WNT6: variants seen among roughly 807,000 people sequenced by gnomAD.
WNT6 encodes the protein protein Wnt-6.
WNT6 carries 27 observed loss-of-function variants against 33.1 expected under a neutral mutation model. The ratio of observed to expected loss-of-function variants is 0.82; its 90% CI spans 0.60 to 1.12. The LOEUF (loss-of-function observed/expected upper bound fraction) is 1.12. Among genes scored for constraint, WNT6 ranks in the 50% most tolerant of loss-of-function variants. The probability of loss-of-function intolerance (pLI) is 0.00; values close to 1 mark genes in which losing one functional copy is unlikely to be tolerated. For synonymous variants in WNT6, 249 were observed against 242.8 expected (o/e 1.03, Z -0.24); for missense variants, 494 against 535.3 (o/e 0.92, Z 0.76).
chr2:218,867,842 C>G lies in WNT6; in HGVS notation c.81-3185C>G, dbSNP rs1205864792. On this transcript the variant is annotated intron_variant, in intron 1 of 3. Transcript: ENST00000233948. The surrounding 1 kb of genome is among the most constrained non-coding windows in gnomAD (Gnocchi z 4.9). ...GGGGAGTTATTACTTGATGTGTTGT[C>G]AAAAGCCAAAGTTATAGGGGGTACG... Among the ~76,000 whole-genome samples the G allele has an allele frequency of 1.3e-5, 2 of 152,142 alleles. No homozygotes were observed. Among genetic ancestry groups the G allele is most frequent in the African/African-American group, 4.8e-5 (2 of 41,424 alleles).
At position 218,871,042 on chromosome 2, in the gene WNT6, C is replaced by A; in HGVS notation, c.96C>A (p.Pro32=). ...VGGLWWAVGS[P]LVMDPTSICR... is the part of the protein sequence containing the mutation. ...TGCTTTCCAGGGCTGTGGGCAGCCC[C>A]TTGGTTATGGACCCTACCAGCATCT... The change falls in exon 2 of 4, where the codon CCC becomes CCA. Residue 32 remains proline (P), a synonymous_variant. Transcript: ENST00000233948. The surrounding 1 kb of genome is among the most constrained non-coding windows in gnomAD (Gnocchi z 6.4). 1.2e-6 allele frequency: 2 copies of A among 1,609,876 alleles called. No individual in the cohort carries two copies. The highest frequency in any genetic ancestry group is 1.7e-6 in the Non-Finnish European group (2 of 1,177,056).
Position 218,859,973 on chromosome 2 carries a change from C to A in WNT6, c.-65C>A, listed in dbSNP as rs1006111204. ...GCGCTCGCACTGAAGCCCGGGCCCT[C>A]GCGCGCCGCGGTTCGCCCCGCAGCC... On this transcript the variant is annotated 5_prime_UTR_variant, in exon 1 of 4. Transcript: ENST00000233948. 4 of 1,252,892 alleles carry A rather than the reference C, an allele frequency of 3.2e-6. No homozygotes were observed. The highest frequency in any genetic ancestry group is 1.6e-5 in the African/African-American group (1 of 63,612). The allele number at this position is 1,252,892 out of a possible 1,614,324, so 77.6% of individuals were successfully genotyped here. A position where few individuals can be genotyped will look rare whatever the true frequency, so the allele number is the denominator to read the frequency against.
intron 1 of WNT6, among the ~76,000 whole-genome samples, chr2:218,861,693 G>A (rs752188267): frequency 6.6e-6 from 1 of 152,036 alleles, no homozygotes; most frequent in African/African-American, 2.4e-5. Context: ...TGGGGATGGG[G>A]TCCCTCCCTG....
At chr2:218,864,513 T>G (rs1250177667) in intron 1 of WNT6, among the ~76,000 whole-genome samples, 1 of 152,218 alleles carries the variant, frequency 6.6e-6, no homozygotes, top group Non-Finnish European at 1.5e-5. Context: ...GTCATCTGCG[T>G]GCCTCAGCTT....
chr2:218,871,300 C>A lies in WNT6; in HGVS notation c.301+53C>A. The stretch of plus-strand genomic sequence containing the variant: ...GGCTGCTTTCTCCCTGCTGTGGGAC[C>A]CGAGGAGAGGAGAACTGGTTCGCTG... On this transcript the variant is annotated intron_variant, in intron 2 of 3. Coordinates refer to ENST00000233948, the MANE Select transcript of WNT6 (RefSeq NM_006522.4). The surrounding 1 kb of genome is among the most constrained non-coding windows in gnomAD (Gnocchi z 6.4). 4 of 1,562,482 alleles carry A rather than the reference C, an allele frequency of 2.6e-6. No homozygotes were observed. The highest frequency in any genetic ancestry group is 1.3e-5 in the African/African-American group (1 of 74,152).
chr2:218,860,348 C>T (rs1944295414), intron 1 of WNT6, among the ~76,000 whole-genome samples: 1 of 152,190 alleles, frequency 6.6e-6, no homozygotes, highest in Non-Finnish European at 1.5e-5. Flanking sequence ...AAGTTATGCG[C>T]TCACCCAGCT....
intron 1 of WNT6, among the ~76,000 whole-genome samples, chr2:218,863,147 A>G (rs1391649745): frequency 6.6e-6 from 1 of 152,178 alleles, no homozygotes; most frequent in Non-Finnish European, 1.5e-5. Flanking sequence ...AGCTGGACCA[A>G]TAATTCCCAC....
At chr2:218,870,373 G>A (rs1305366958) in intron 1 of WNT6, among the ~76,000 whole-genome samples, 3 of 152,162 alleles carry the variant, frequency 2.0e-5, no homozygotes, top group Non-Finnish European at 4.4e-5. Flanking sequence ...ATCAGGGTAG[G>A]AGGGCCCACC....
chr2:218,860,118 G>A lies in WNT6; in HGVS notation c.80+1G>A, dbSNP rs1305310694. The A allele has an allele frequency of 1.1e-5, 16 of 1,521,932 alleles. No individual in the cohort carries two copies. The highest frequency in any genetic ancestry group is 4.2e-5 in the African/African-American group (3 of 71,456). The allele number at this position is 1,521,932 out of a possible 1,614,324, so 94.3% of individuals were successfully genotyped here. The stretch of plus-strand genomic sequence containing the variant: ...CGGCGCACGTCGGCGGACTGTGGTG[G>A]TGAGTCCGGCTGTCCTGGCGCGGCT... On this transcript the variant is annotated splice_donor_variant, in intron 1 of 3. Transcript: ENST00000233948. LOFTEE classifies it high-confidence loss of function.
Position 218,860,111 on chromosome 2 carries a change from T to G in WNT6, c.74T>G (p.Leu25Arg). The change falls in exon 1 of 4, where the codon CTG becomes CGG. Residue 25 changes from leucine to arginine, a missense_variant. By Grantham distance (102) the Leu-to-Arg change is moderately radical (BLOSUM62 -2). Transcript: ENST00000233948. ...CTGTGCCCGGCGCACGTCGGCGGAC[T>G]GTGGTGGTGAGTCCGGCTGTCCTGG... Reference protein sequence around the residue: ...LLLCPAHVGGLWWAVGSPLVM... With the variant: ...LLLCPAHVGGRWWAVGSPLVM... 1 of 1,523,098 alleles carries G rather than the reference T, an allele frequency of 6.6e-7. No homozygotes were observed. Among genetic ancestry groups the G allele is most frequent in the Non-Finnish European group, 8.8e-7 (1 of 1,139,600 alleles). The allele number at this position is 1,523,098 out of a possible 1,614,324, so 94.3% of individuals were successfully genotyped here. A position where few individuals can be genotyped will look rare whatever the true frequency, so the allele number is the denominator to read the frequency against.
In WNT6 at chr2:218,873,763, A is replaced by G; in HGVS notation, c.1016A>G (p.Asn339Ser). The change falls in exon 4 of 4, where the codon AAC becomes AGC. Residue 339 changes from asparagine (N) to serine (S), a missense_variant. Transcript: ENST00000233948. This position sits in a 1 kb window ranked among gnomAD's most constrained non-coding sequence, Gnocchi z 6.1. ...CAGGAGAGCGTGCAGCTCGAAGAGA[A>G]CTGCCTGTGCCGCTTCCACTGGTGC... is the stretch of plus-strand genomic sequence containing the variant. ...HRQESVQLEE[N>S]CLCRFHWCCV... The G allele has an allele frequency of 6.3e-7, 1 of 1,586,550 alleles. No homozygotes were observed. The highest frequency in any genetic ancestry group is 8.5e-7 in the Non-Finnish European group (1 of 1,172,558).
intron 1 of WNT6, among the ~76,000 whole-genome samples, chr2:218,863,082 C>T (rs113959643): frequency 0.02 from 3,106 of 152,310 alleles, 103 homozygotes; most frequent in African/African-American, 0.07. Flanking sequence ...TCTGCTTACA[C>T]TCCTGAGCTC....
At chr2:218,863,795 A>T (rs10211343) in intron 1 of WNT6, among the ~76,000 whole-genome samples, 1 of 151,994 alleles carries the variant, frequency 6.6e-6, no homozygotes, top group African/African-American at 2.4e-5. Context: ...GTTGCAGTGA[A>T]CCGAGATCCA....
Position 218,873,901 on chromosome 2 carries a change from CCTCAGGG to C in WNT6, c.*58_*64del, listed in dbSNP as rs1944430938. 2.9e-6 allele frequency: 4 copies of C among 1,385,716 alleles called. No homozygotes were observed. Among genetic ancestry groups the C allele is most frequent in the Non-Finnish European group, 3.7e-6 (4 of 1,073,406 alleles). 85.8% of individuals were successfully genotyped at this position (1,385,716 alleles called of 1,614,324 possible). A position where few individuals can be genotyped will look rare whatever the true frequency, so the allele number is the denominator to read the frequency against. ...GCAGCGGTGGCTCGCACCTGTGGGA[CCTCAGGG>C]CACCGGCACCGGGCGCCTCTCGCCG... On this transcript the variant is annotated 3_prime_UTR_variant, in exon 4 of 4. Transcript: ENST00000233948. The surrounding 1 kb of genome is among the most constrained non-coding windows in gnomAD (Gnocchi z 6.1).
intron 1 of WNT6, among the ~76,000 whole-genome samples, chr2:218,861,166 G>T (rs1334213081): frequency 6.6e-6 from 1 of 152,086 alleles, no homozygotes; most frequent in East Asian, 1.9e-4. Context: ...GCAGATCCCC[G>T]TGCTCTGGAG....
chr2:218,859,927 G>C lies in WNT6; in HGVS notation c.-111G>C. ...CCGCCGCCGGATCCCTCGCCTCCCG[G>C]CCGCCGCCGTTGCGCTCGCCGCGCT... On this transcript the variant is annotated 5_prime_UTR_variant, in exon 1 of 4. Coordinates refer to ENST00000233948, the MANE Select transcript of WNT6 (RefSeq NM_006522.4). 3 of 918,980 alleles carry C rather than the reference G, an allele frequency of 3.3e-6. No homozygotes were observed. Among genetic ancestry groups the C allele is most frequent in the Non-Finnish European group, 4.1e-6 (3 of 731,546 alleles). The allele number at this position is 918,980 out of a possible 1,614,324, so 56.9% of individuals were successfully genotyped here. A position where few individuals can be genotyped will look rare whatever the true frequency, so the allele number is the denominator to read the frequency against.
At chr2:218,866,468 C>A (rs1361080626) in intron 1 of WNT6, among the ~76,000 whole-genome samples, 1 of 152,120 alleles carries the variant, frequency 6.6e-6, no homozygotes, top group Non-Finnish European at 1.5e-5. Context: ...AAAGGGTGTT[C>A]TCAGGAATCC....
At chr2:218,860,152 TG>T in intron 1 of WNT6, 35 bp downstream of exon 1, 1 of 1,494,958 alleles carries the variant, frequency 6.7e-7, no homozygotes, top group Non-Finnish European at 8.9e-7. Flanking sequence ...CTCTGGACCC[TG>T]GAGGGTGGGG....
At chr2:218,860,194 C>A in intron 1 of WNT6, 77 bp downstream of exon 1, 1 of 1,295,534 alleles carries the variant, frequency 7.7e-7, no homozygotes, top group Non-Finnish European at 1.0e-6. Context: ...CTGGGGTGTT[C>A]CGCAGCCTCC....
Sources: gnomAD v4.1 joint callset for allele counts (sites outside exome capture counted in the v4.1 genomes callset) on GRCh38, gnomAD v4.1.1 for gene constraint, Gnocchi (gnomAD v3.1) non-coding constraint, MANE v1.5 for transcripts, NCBI Gene and HGNC (gene_info 2026-07-23, HGNC 2026-07-21) for gene names.